The following ABTB3 variants were observed in gnomAD, a reference collection of about 807,000 sequenced individuals.
The protein encoded by ABTB3 is ankyrin repeat- and BTB/POZ domain-containing protein 3.
At chr12:107,559,343 C>CGT in the ABTB3 span, among the ~76,000 whole-genome samples, 2 of 152,020 alleles carry the variant, frequency 1.3e-5, no homozygotes, top group African/African-American at 2.4e-5. Flanking sequence ...CTGACAGCCC[C>CGT]GTGTGTGCTG....
At chr12:107,397,041 G>T in the ABTB3 span, among the ~76,000 whole-genome samples, 1 of 152,184 alleles carries the variant, frequency 6.6e-6, no homozygotes, top group Non-Finnish European at 1.5e-5. Flanking sequence ...CACTACGTGC[G>T]CTTGTATCAA....
At chr12:107,528,231 C>T in the ABTB3 span, among the ~76,000 whole-genome samples, 2 of 152,090 alleles carry the variant, frequency 1.3e-5, no homozygotes, top group Non-Finnish European at 2.9e-5. Context: ...TAGCATTTCC[C>T]CAAGGGTGGC....
chr12:107,344,178 G>A, the ABTB3 span, among the ~76,000 whole-genome samples: 7 of 152,276 alleles, frequency 4.6e-5, no homozygotes, highest in South Asian at 1.2e-3. Flanking sequence ...AGGAAAAAGG[G>A]TACCTACCAG....
At chr12:107,503,714 G>A in the ABTB3 span, among the ~76,000 whole-genome samples, 9 of 134,966 alleles carry the variant, frequency 6.7e-5, no homozygotes, top group East Asian at 1.5e-3. Context: ...CTGTGATTGC[G>A]CCACTGCCCT....
chr12:107,599,819 A>T, the ABTB3 span, among the ~76,000 whole-genome samples: 1 of 152,196 alleles, frequency 6.6e-6, no homozygotes, highest in South Asian at 2.1e-4. Context: ...AAAGCCAAAA[A>T]AAAAAGTCTG....
At chr12:107,566,373 G>A in the ABTB3 span, among the ~76,000 whole-genome samples, 3 of 152,122 alleles carry the variant, frequency 2.0e-5, no homozygotes, top group African/African-American at 7.2e-5. Context: ...GGTGCAACCT[G>A]AGACAAATGA....
At chr12:107,476,391 C>A in the ABTB3 span, among the ~76,000 whole-genome samples, 1 of 152,274 alleles carries the variant, frequency 6.6e-6, no homozygotes, top group South Asian at 2.1e-4. Flanking sequence ...CTAATCCTCA[C>A]CTTCACCTTG....
the ABTB3 span, among the ~76,000 whole-genome samples, chr12:107,414,718 TTTTC>T: frequency 2.8e-4 from 42 of 148,946 alleles, no homozygotes; most frequent in East Asian, 7.5e-3. Context: ...TTTCTTTTCT[TTTTC>T]TTTTTTTTTT....
chr12:107,412,475 G>A, the ABTB3 span, among the ~76,000 whole-genome samples: 1 of 152,238 alleles, frequency 6.6e-6, no homozygotes, highest in Non-Finnish European at 1.5e-5. Flanking sequence ...TGCTGTTCAT[G>A]AAATTGCACT....
chr12:107,635,134 A>G, the ABTB3 span: 3 of 624,128 alleles, frequency 4.8e-6, no homozygotes, highest in African/African-American at 3.7e-5. Context: ...CATGAATGCA[A>G]ACGACTTCTG....
the ABTB3 span, among the ~76,000 whole-genome samples, chr12:107,391,129 T>G: frequency 1.5e-4 from 23 of 152,274 alleles, no homozygotes; most frequent in African/African-American, 5.5e-4. Flanking sequence ...CTAGCCTAGG[T>G]GACAGAGCGA....
chr12:107,452,604 C>T, the ABTB3 span, among the ~76,000 whole-genome samples: 3 of 152,000 alleles, frequency 2.0e-5, no homozygotes, highest in Admixed American at 2.0e-4. Context: ...TAATCCCGGG[C>T]CAAGGGGGGT....
the ABTB3 span, chr12:107,651,888 G>A: frequency 7.1e-6 from 7 of 979,122 alleles, no homozygotes; most frequent in Non-Finnish European, 1.1e-5. Flanking sequence ...TGGGTGCTGG[G>A]CCAGTTCTCT....
the ABTB3 span, chr12:107,620,024 C>A: frequency 6.2e-7 from 1 of 1,613,914 alleles, no homozygotes; most frequent in Non-Finnish European, 8.5e-7. Context: ...GGAGTCTTTG[C>A]GGATCGCCTT....
At chr12:107,566,078 C>CT in the ABTB3 span, among the ~76,000 whole-genome samples, 1 of 152,192 alleles carries the variant, frequency 6.6e-6, no homozygotes, top group Non-Finnish European at 1.5e-5. Context: ...ATGTTTCCTT[C>CT]TTGCGCACAT....
At chr12:107,643,511 C>G in the ABTB3 span, among the ~76,000 whole-genome samples, 2 of 151,836 alleles carry the variant, frequency 1.3e-5, no homozygotes, top group African/African-American at 4.8e-5. Flanking sequence ...CAAGGTGGGC[C>G]TGGGGAGTTG....
chr12:107,481,049 G>A, the ABTB3 span, among the ~76,000 whole-genome samples: 1 of 152,176 alleles, frequency 6.6e-6, no homozygotes, highest in African/African-American at 2.4e-5. Flanking sequence ...TTGCTCCCCA[G>A]GGGACAAGTG....
the ABTB3 span, chr12:107,581,162 G>GTGC: frequency 1.3e-6 from 2 of 1,543,422 alleles, no homozygotes; most frequent in Non-Finnish European, 1.7e-6. Flanking sequence ...GCCCTTCCTC[G>GTGC]TGCTGCCGCC....
the ABTB3 span, among the ~76,000 whole-genome samples, chr12:107,552,008 TC>T: frequency 6.6e-6 from 1 of 152,346 alleles, no homozygotes; most frequent in South Asian, 2.1e-4. Flanking sequence ...TTCCTCGTTC[TC>T]CCAAAGTGCT....
Sources: allele counts gnomAD v4.1 joint callset (sites outside exome capture counted in the v4.1 genomes callset), GRCh38; gene constraint gnomAD v4.1.1; transcripts MANE v1.5; gene names NCBI Gene and HGNC (gene_info 2026-07-23, HGNC 2026-07-21).